Variants in ADD3 observed in about 807,000 individuals in gnomAD.
The protein encoded by ADD3 is gamma-adducin.
Under a neutral mutation model 80.2 loss-of-function variants are expected in ADD3, and 25 were observed. The ratio of observed to expected loss-of-function variants is 0.31; its 90% confidence interval spans 0.23 to 0.44. The LOEUF (loss-of-function observed/expected upper bound fraction) is 0.44, where lower values mean the gene tolerates loss of function less well. ADD3 is among the 20% of genes least tolerant of loss of function. The pLI is 1.00. For synonymous variants in ADD3, 284 were observed against 289.6 expected, an observed-to-expected ratio of 0.98 and a Z score of 0.20; for missense variants, 829 against 847.5, an observed-to-expected ratio of 0.98 and a Z score of 0.27.
upstream of ADD3, among the ~76,000 whole-genome samples, chr10:110,007,466 G>T (rs1851736383): frequency 6.6e-6 from 1 of 152,264 alleles, no homozygotes; most frequent in Admixed American, 6.5e-5. Flanking sequence ...CGGCGGCTCA[G>T]CCTCGGGAGT....
chr10:110,114,128 A>G (rs1466738825), intron 3 of ADD3, among the ~76,000 whole-genome samples: 1 of 152,232 alleles, frequency 6.6e-6, no homozygotes. Context: ...GTACAAAGGC[A>G]TGGCAGGAGG....
At chr10:110,103,261 G>C (rs58624096) in intron 2 of ADD3, among the ~76,000 whole-genome samples, 17,040 of 152,220 alleles carry the variant, frequency 0.11, 3,073 homozygotes, top group African/African-American at 0.38. Context: ...AATTATTCCA[G>C]AACTTAGCAG....
intron 1 of ADD3, among the ~76,000 whole-genome samples, chr10:110,095,308 T>C (rs1424052212): frequency 6.6e-6 from 1 of 152,254 alleles, no homozygotes; most frequent in East Asian, 1.9e-4. Flanking sequence ...GTTGTACAAC[T>C]ATCACCACAA....
chr10:110,097,692 A>G (rs1022099001), intron 1 of ADD3, among the ~76,000 whole-genome samples: 23 of 151,760 alleles, frequency 1.5e-4, no homozygotes, highest in African/African-American at 5.1e-4. Context: ...CCAAGATTAC[A>G]TGTTGCATTT....
At chr10:110,035,815 A>G (rs1389310887) in intron 1 of ADD3, among the ~76,000 whole-genome samples, 1 of 151,994 alleles carries the variant, frequency 6.6e-6, no homozygotes, top group Admixed American at 6.6e-5. Flanking sequence ...TTGTCTTTGA[A>G]TTTTCTCTTT....
intron 12 of ADD3, among the ~76,000 whole-genome samples, chr10:110,127,130 GTTTTTGT>G (rs1003940488): frequency 2.7e-4 from 41 of 152,180 alleles, no homozygotes; most frequent in African/African-American, 7.5e-4. Flanking sequence ...ATACATCACA[GTTTTTGT>G]TTTTTGTTTT....
chr10:110,060,500 A>C (rs892963827), intron 1 of ADD3, among the ~76,000 whole-genome samples: 2 of 152,224 alleles, frequency 1.3e-5, no homozygotes, highest in Non-Finnish European at 2.9e-5. Flanking sequence ...TTTCTTTGCA[A>C]ATCAGATAAT....
chr10:110,125,773 A>G (rs1852072412), intron 10 of ADD3, 53 bp from the exon 11 acceptor site: 6 of 1,395,018 alleles, frequency 4.3e-6, no homozygotes, highest in Admixed American at 2.0e-5. Flanking sequence ...CTAACAATCT[A>G]CTAATATTTT....
intron 9 of ADD3, among the ~76,000 whole-genome samples, chr10:110,122,921 C>A (rs1347350384): frequency 6.6e-6 from 1 of 152,022 alleles, no homozygotes; most frequent in African/African-American, 2.4e-5. Flanking sequence ...CGTGAGCTGC[C>A]ATGCCCAACA....
At chr10:110,035,740 T>A (rs536168777) in intron 1 of ADD3, among the ~76,000 whole-genome samples, 8 of 152,210 alleles carry the variant, frequency 5.3e-5, no homozygotes, top group Non-Finnish European at 7.3e-5. Flanking sequence ...CCCGGTAATT[T>A]GCATTCTCAC....
upstream of ADD3, among the ~76,000 whole-genome samples, chr10:110,006,513 T>C (rs552093489): frequency 4.6e-5 from 7 of 152,336 alleles, no homozygotes; most frequent in South Asian, 1.4e-3. Flanking sequence ...AACAATTTTC[T>C]TCCTCAAACT....
At chr10:110,051,703 G>A (rs1329111343) in intron 1 of ADD3, among the ~76,000 whole-genome samples, 1 of 152,236 alleles carries the variant, frequency 6.6e-6, no homozygotes, top group African/African-American at 2.4e-5. Flanking sequence ...TGCATAGAAA[G>A]AATCACAGGG....
intron 1 of ADD3, among the ~76,000 whole-genome samples, chr10:110,080,459 AT>A (rs1319867067): frequency 6.6e-6 from 1 of 152,234 alleles, no homozygotes; most frequent in African/African-American, 2.4e-5. Flanking sequence ...TTGACCTTCC[AT>A]GTGGCCTAAG....
chr10:110,065,006 T>TGA (rs1843725162), intron 1 of ADD3, among the ~76,000 whole-genome samples: 1 of 151,920 alleles, frequency 6.6e-6, no homozygotes, highest in African/African-American at 2.4e-5. Context: ...TGCAGTGAGC[T>TGA]GAGATCTTGT....
At chr10:110,127,456 A>C (rs1195967122) in intron 12 of ADD3, among the ~76,000 whole-genome samples, 1 of 152,160 alleles carries the variant, frequency 6.6e-6, no homozygotes, top group African/African-American at 2.4e-5. Flanking sequence ...ATCTCTACTG[A>C]AAATACAAAA....
At chr10:110,105,078 A>C (rs539898853) in intron 2 of ADD3, among the ~76,000 whole-genome samples, 7 of 152,198 alleles carry the variant, frequency 4.6e-5, no homozygotes, top group Non-Finnish European at 1.0e-4. Flanking sequence ...TGGATGACAA[A>C]AATCACCCCT....
intron 1 of ADD3, among the ~76,000 whole-genome samples, chr10:110,024,930 CTTTTTTTTTTT>C (rs769862106): frequency 7.1e-6 from 1 of 141,480 alleles, no homozygotes; most frequent in South Asian, 2.2e-4. Context: ...CTCCTCTTTT[CTTTTTTTTTTT>C]TTTGGAGACA....
intron 1 of ADD3, among the ~76,000 whole-genome samples, chr10:110,049,860 C>T (rs550591269): frequency 7.5e-4 from 111 of 148,630 alleles, no homozygotes; most frequent in Non-Finnish European, 1.3e-3. Flanking sequence ...GCACTCCAGC[C>T]TGGGCGACAG....
intron 1 of ADD3, among the ~76,000 whole-genome samples, chr10:110,038,652 T>C (rs752494801): frequency 3.3e-5 from 5 of 152,202 alleles, no homozygotes; most frequent in African/African-American, 4.8e-5. Flanking sequence ...GTCACACATA[T>C]ACATATATAT....
Sources: gnomAD v4.1 joint callset for allele counts (sites outside exome capture counted in the v4.1 genomes callset) on GRCh38, gnomAD v4.1.1 for gene constraint, MANE v1.5 for transcripts, NCBI Gene and HGNC (gene_info 2026-07-23, HGNC 2026-07-21) for gene names.